The following IMMP2L variants were observed in gnomAD, a reference collection of about 807,000 sequenced individuals.
IMMP2L encodes the protein mitochondrial inner membrane protease subunit 2.
IMMP2L carries 18 observed loss-of-function variants against 19.3 expected under a neutral mutation model. The ratio of observed to expected loss-of-function variants is 0.93; its 90% CI spans 0.64 to 1.38. The LOEUF (loss-of-function observed/expected upper bound fraction) is 1.38. Among genes scored for constraint, IMMP2L ranks in the 40% most tolerant of loss-of-function variants. IMMP2L has a pLI of 0.00. For missense variants in IMMP2L, 233 were observed against 218.2 expected (o/e 1.07, Z -0.43); for synonymous variants, 76 against 73.0 (o/e 1.04, Z -0.21).
At chr7:111,082,874 A>AT (rs1554510784) in intron 3 of IMMP2L, among the ~76,000 whole-genome samples, 131 of 151,158 alleles carry the variant, frequency 8.7e-4, no homozygotes, top group Middle Eastern at 3.4e-3. Context: ...AAAAAAAAAA[A>AT]TGACACGTGT....
At chr7:111,023,481 A>C (rs1826494619) in intron 3 of IMMP2L, among the ~76,000 whole-genome samples, 1 of 151,488 alleles carries the variant, frequency 6.6e-6, no homozygotes, top group Non-Finnish European at 1.5e-5. Context: ...TGGGTGGATC[A>C]CCTGAGATCA....
intron 3 of IMMP2L, among the ~76,000 whole-genome samples, chr7:110,969,773 C>T (rs139874442): frequency 9.9e-4 from 151 of 152,192 alleles, no homozygotes; most frequent in African/African-American, 3.5e-3. Context: ...ATTGGCCATT[C>T]TCTCAGAGCA....
intron 3 of IMMP2L, among the ~76,000 whole-genome samples, chr7:111,256,697 A>T (rs1001944572): frequency 2.0e-5 from 3 of 152,060 alleles, no homozygotes. Context: ...CCACAGGATA[A>T]TCATAAGATT....
chr7:111,258,755 C>T (rs1033020146), intron 3 of IMMP2L, among the ~76,000 whole-genome samples: 3 of 152,110 alleles, frequency 2.0e-5, no homozygotes, highest in African/African-American at 4.8e-5. Flanking sequence ...ATCTGCCCGC[C>T]TTGACTTCCT....
At chr7:111,501,267 T>C (rs902957662) in intron 2 of IMMP2L, among the ~76,000 whole-genome samples, 4 of 151,926 alleles carry the variant, frequency 2.6e-5, no homozygotes, top group African/African-American at 9.7e-5. Context: ...AAGGGAAGTT[T>C]AGAGAAAAAA....
rs768258099 is a variant in IMMP2L at position 110,870,573 on chromosome 7, T to C, written c.408+16020A>G. On this transcript the variant is annotated intron_variant, in intron 5 of 5. Transcript: ENST00000405709. The surrounding 1 kb of genome is among the most constrained non-coding windows in gnomAD (Gnocchi z 4.2). ...GTGAGTGTGTGTGTGTGCACGCGCA[T>C]GTGTGCGTGTGTTCCATTTTGTTAG... Among the ~76,000 whole-genome samples the C allele has an allele frequency of 2.2e-4, 33 of 152,204 alleles. No homozygotes were observed. The highest frequency in any genetic ancestry group is 4.4e-4 in the Non-Finnish European group (30 of 68,012).
At chr7:111,509,279 C>G (rs1180268465) in intron 2 of IMMP2L, among the ~76,000 whole-genome samples, 8 of 151,900 alleles carry the variant, frequency 5.3e-5, no homozygotes, top group Admixed American at 5.2e-4. Context: ...AATAAGTACC[C>G]CAGATTATGT....
intron 3 of IMMP2L, among the ~76,000 whole-genome samples, chr7:111,214,504 G>GT (rs71151836): frequency 0.21 from 20,598 of 96,476 alleles, 2,465 homozygotes; most frequent in East Asian, 0.37. Context: ...CACCAAATCT[G>GT]TTTTTTTTTT....
intron 3 of IMMP2L, among the ~76,000 whole-genome samples, chr7:111,057,430 C>A (rs1356546546): frequency 6.7e-6 from 1 of 148,612 alleles, no homozygotes; most frequent in African/African-American, 2.5e-5. Context: ...AAAAAAAAAA[C>A]TCTTTTGTAA....
intron 5 of IMMP2L, among the ~76,000 whole-genome samples, chr7:110,749,204 T>A (rs1797571137): frequency 6.6e-6 from 1 of 152,196 alleles, no homozygotes; most frequent in Admixed American, 6.5e-5. Flanking sequence ...AGATACCATC[T>A]CATGCCAGTT....
chr7:111,229,893 CG>C (rs1562950135), intron 3 of IMMP2L, among the ~76,000 whole-genome samples: 1 of 151,886 alleles, frequency 6.6e-6, no homozygotes, highest in African/African-American at 2.4e-5. Context: ...GTGTAAAGAA[CG>C]GAAGATTATG....
At chr7:111,381,131 G>A (rs1457174743) in intron 3 of IMMP2L, among the ~76,000 whole-genome samples, 1 of 152,002 alleles carries the variant, frequency 6.6e-6, no homozygotes, top group Admixed American at 6.6e-5. Flanking sequence ...TTTCTAGGAA[G>A]TACATTAGTT....
chr7:111,459,790 C>G (rs1029146452), intron 3 of IMMP2L, among the ~76,000 whole-genome samples: 19 of 152,030 alleles, frequency 1.2e-4, no homozygotes, highest in Admixed American at 1.2e-3. Context: ...AGAAATTCAC[C>G]GGGAACTCCC....
At chr7:111,161,120 C>T (rs955118558) in intron 3 of IMMP2L, among the ~76,000 whole-genome samples, 23 of 151,620 alleles carry the variant, frequency 1.5e-4, no homozygotes, top group African/African-American at 2.9e-4. Flanking sequence ...CAACAGACTC[C>T]GAGATTTTTA....
At chr7:111,194,821 A>C (rs547340676) in intron 3 of IMMP2L, among the ~76,000 whole-genome samples, 1 of 152,282 alleles carries the variant, frequency 6.6e-6, no homozygotes, top group Admixed American at 6.5e-5. Flanking sequence ...ACTTACCAAG[A>C]CCATATCTAC....
intron 5 of IMMP2L, among the ~76,000 whole-genome samples, chr7:110,742,053 G>GGCAA (rs1797022630): frequency 6.6e-6 from 1 of 152,132 alleles, no homozygotes; most frequent in South Asian, 2.1e-4. Context: ...ATTGAGTAAT[G>GGCAA]GCAAGGCTAG....
chr7:111,512,241 C>G (rs1420259461), intron 2 of IMMP2L, among the ~76,000 whole-genome samples: 1 of 151,790 alleles, frequency 6.6e-6, no homozygotes, highest in African/African-American at 2.4e-5. Context: ...GGCTAAACCT[C>G]AAAAAAATCT....
intron 3 of IMMP2L, among the ~76,000 whole-genome samples, chr7:111,405,850 T>C (rs959411358): frequency 1.3e-5 from 2 of 152,110 alleles, no homozygotes; most frequent in African/African-American, 2.4e-5. Flanking sequence ...TAAAGTTTTA[T>C]TGGAACGCAG....
chr7:110,985,689 A>C (rs1821789434), intron 3 of IMMP2L, among the ~76,000 whole-genome samples: 1 of 152,176 alleles, frequency 6.6e-6, no homozygotes, highest in Non-Finnish European at 1.5e-5. Context: ...ACAACATGAA[A>C]ATACTGAAGT....
Sources: gnomAD v4.1 joint callset for allele counts (sites outside exome capture counted in the v4.1 genomes callset) on GRCh38, gnomAD v4.1.1 for gene constraint, Gnocchi (gnomAD v3.1) non-coding constraint, MANE v1.5 for transcripts, NCBI Gene and HGNC (gene_info 2026-07-23, HGNC 2026-07-21) for gene names.